Variants in TBC1D7 observed in about 807,000 individuals in gnomAD.
TBC1D7 encodes the protein TBC domain family 7.
Under a neutral mutation model 35.3 loss-of-function variants are expected in TBC1D7, and 33 were observed. The observed-to-expected ratio is 0.93, with a 90% CI of 0.71 to 1.25. TBC1D7 has a LOEUF of 1.25. Among genes scored for constraint, TBC1D7 ranks in the 50% most tolerant of loss-of-function variants. The probability of loss-of-function intolerance (pLI) is 0.00; values close to 1 mark genes in which losing one functional copy is unlikely to be tolerated. For missense variants in TBC1D7, 362 were observed against 365.3 expected (o/e 0.99, Z 0.07); for synonymous variants, 135 against 129.5 (o/e 1.04, Z -0.29).
In TBC1D7 at chr6:13,325,108, C is replaced by T; in HGVS notation, c.179G>A (p.Trp60Ter). The T allele has an allele frequency of 6.2e-7, 1 of 1,612,712 alleles. No individual in the cohort carries two copies. Among genetic ancestry groups the T allele is most frequent in the Non-Finnish European group, 8.5e-7 (1 of 1,179,230 alleles). ...GGGTCTCATACCTAGAAGCACCTTC[C>T]ATACCAATGCACGGTACATGGACGG... The part of the protein sequence containing the change: ...PLPSMYRALV[W>*]KVLLGILPPH... Residue 60 changes from tryptophan to a stop codon, truncating the protein, a stop_gained, in exon 3 of 8, where the codon TGG becomes TAG. Coordinates refer to ENST00000379300, the MANE Select transcript of TBC1D7 (RefSeq NM_016495.6). LOFTEE classifies it high-confidence loss of function.
intron 3 of TBC1D7, among the ~76,000 whole-genome samples, chr6:13,324,296 T>A (rs1195550016): frequency 6.6e-6 from 1 of 152,104 alleles, no homozygotes; most frequent in Non-Finnish European, 1.5e-5. Context: ...CCCAGCTGAT[T>A]TTTTGTATTT....
Position 13,306,524 on chromosome 6 carries a change from A to C in TBC1D7, c.669T>G (p.Val223=). Residue 223 remains valine, a synonymous_variant, in exon 7 of 8, where the codon GTT becomes GTG. Transcript: ENST00000379300. ...AGGATCCACTCACAACTTTATCCCA[A>C]ACCCTACAAAAATAAGGAGATATAA... ...GCLPESSLQR[V]WDKVVSGSCK... 2 of 1,586,890 alleles carry C rather than the reference A, an allele frequency of 1.3e-6. No homozygotes were observed. Among genetic ancestry groups the C allele is most frequent in the Non-Finnish European group, 1.7e-6 (2 of 1,169,958 alleles).
Position 13,305,205 on chromosome 6 carries a change from A to G in TBC1D7, c.796-18T>C. On this transcript the variant is annotated intron_variant, in intron 7 of 7. Coordinates refer to ENST00000379300, the MANE Select transcript of TBC1D7 (RefSeq NM_016495.6). Reference sequence around the variant, plus strand: ...TGGGGAATCTGTGGGCAAGCAAATCAGTCTTTGTGAAATTTCAGTGTTGAC... The same window carrying G: ...TGGGGAATCTGTGGGCAAGCAAATCGGTCTTTGTGAAATTTCAGTGTTGAC... 6.2e-7 allele frequency: 1 copy of G among 1,613,622 alleles called. No homozygotes were observed. The highest frequency in any genetic ancestry group is 2.2e-5 in the East Asian group (1 of 44,878).
At chr6:13,318,570 CGT>C (rs1783803547) in intron 4 of TBC1D7, 1 of 152,098 alleles carries the variant, frequency 6.6e-6, no homozygotes, top group South Asian at 2.1e-4. Context: ...TCTCGATAAA[CGT>C]AAGAAATATA....
intron 5 of TBC1D7, among the ~76,000 whole-genome samples, chr6:13,310,109 G>T (rs531659037): frequency 1.3e-5 from 2 of 152,176 alleles, no homozygotes. Flanking sequence ...GGGGAATTTG[G>T]CAATATTTAG....
rs527765017 is a variant in TBC1D7 at position 13,308,935 on chromosome 6, G to A, written c.520-1190C>T. ...CCAGGAGAAAATCCTAACCTGGGCTGTAGGAGGCAGAAGCAGTTTCTCAGG... is the reference window on the plus strand; with the variant it reads ...CCAGGAGAAAATCCTAACCTGGGCTATAGGAGGCAGAAGCAGTTTCTCAGG... On this transcript the variant is annotated intron_variant, in intron 5 of 7. Coordinates refer to ENST00000379300, the MANE Select transcript of TBC1D7 (RefSeq NM_016495.6). Among the ~76,000 whole-genome samples the A allele has an allele frequency of 3.3e-5, 5 of 152,366 alleles. No individual in the cohort carries two copies. In the South Asian group the frequency reaches 8.3e-4, roughly 25 times the overall value.
At chr6:13,327,696 T>C (rs533945815) in intron 1 of TBC1D7, 1 of 152,326 alleles carries the variant, frequency 6.6e-6, no homozygotes, top group Admixed American at 6.5e-5. Context: ...CTCAAAAAGT[T>C]CAGTGGTCTC....
chr6:13,323,018 A>G (rs1279122374), intron 3 of TBC1D7, among the ~76,000 whole-genome samples: 2 of 152,158 alleles, frequency 1.3e-5, no homozygotes, highest in African/African-American at 2.4e-5. Flanking sequence ...GACAGCTCTA[A>G]ACTTCCAGTG....
intron 7 of TBC1D7, 136 bp downstream of exon 7, chr6:13,306,260 ATT>A (rs1782799408): frequency 3.3e-6 from 2 of 608,138 alleles, no homozygotes; most frequent in African/African-American, 2.0e-5. Flanking sequence ...TATTATAATT[ATT>A]CTCTGAAACA....
chr6:13,310,265 A>G (rs1331604472), intron 5 of TBC1D7, among the ~76,000 whole-genome samples: 1 of 152,268 alleles, frequency 6.6e-6, no homozygotes, highest in African/African-American at 2.4e-5. Flanking sequence ...AAAGGCTGAA[A>G]ACATCCCAAA....
chr6:13,316,445 C>G (rs985704217), intron 5 of TBC1D7, 126 bp downstream of exon 5: 1 of 1,027,990 alleles, frequency 9.7e-7, no homozygotes, highest in Non-Finnish European at 1.4e-6. Context: ...ACAGAAAACG[C>G]TTGCTGAGTT....
At chr6:13,310,347 T>C (rs972498240) in intron 5 of TBC1D7, among the ~76,000 whole-genome samples, 1 of 152,220 alleles carries the variant, frequency 6.6e-6, no homozygotes, top group African/African-American at 2.4e-5. Flanking sequence ...AACCTGAGAA[T>C]ATTTTGTAGG....
At chr6:13,305,296 T>C (rs746381524) in intron 7 of TBC1D7, 109 bp from the exon 8 acceptor site, 64 of 1,047,152 alleles carry the variant, frequency 6.1e-5, no homozygotes, top group Non-Finnish European at 9.0e-5. Context: ...TGCACTGTTT[T>C]TCAGAAAGTG....
chr6:13,318,102 T>TGATAGCCTGTGCCACCTCAGGACCCTGC (rs1783766423), intron 4 of TBC1D7: 1 of 152,332 alleles, frequency 6.6e-6, no homozygotes, highest in Non-Finnish European at 1.5e-5. Context: ...CCTCACCATG[T>TGATAGCCTGTGCCACCTCAGGACCCTGC]GATAGCCTGT....
In TBC1D7 at chr6:13,321,018, C is replaced by A; in HGVS notation, c.271G>T (p.Ala91Ser). The A allele has an allele frequency of 6.2e-7, 1 of 1,614,192 alleles. No homozygotes were observed. The highest frequency in any genetic ancestry group is 8.5e-7 in the Non-Finnish European group (1 of 1,180,028). The change falls in exon 4 of 8, where the codon GCC (alanine) becomes TCC (serine). Residue 91 changes from alanine to serine, a missense_variant. Physicochemically the swap from Ala to Ser is moderately conservative, Grantham distance 99. Transcript: ENST00000379300. ...RKEQYLDVLH[A>S]LKVVRFVSDA... ...CTAACAAAGCGAACGACTTTCAGGG[C>A]ATGAAGGACATCCAAGTACTGCTCC...
At chr6:13,323,387 A>G (rs141349083) in intron 3 of TBC1D7, among the ~76,000 whole-genome samples, 1 of 152,092 alleles carries the variant, frequency 6.6e-6, no homozygotes, top group Non-Finnish European at 1.5e-5. Context: ...AGAATGGTTA[A>G]GAAGAGTAGA....
In TBC1D7 at chr6:13,321,022, A is replaced by G. The variant is rs137993093; in HGVS notation, c.267T>C (p.Leu89=). Residue 89 remains leucine (L), a synonymous_variant, in exon 4 of 8, where the codon CTT becomes CTC. Coordinates refer to ENST00000379300, the MANE Select transcript of TBC1D7 (RefSeq NM_016495.6). ...MYRKEQYLDV[L]HALKVVRFVS... The stretch of plus-strand genomic sequence containing the variant: ...CAAAGCGAACGACTTTCAGGGCATG[A>G]AGGACATCCAAGTACTGCTCCTTAC... The G allele has an allele frequency of 2.1e-4, 336 of 1,614,160 alleles. No homozygotes were observed. The highest frequency in any genetic ancestry group is 1.4e-3 in the African/African-American group (104 of 75,058).
chr6:13,315,754 T>C (rs2127532769), intron 5 of TBC1D7, among the ~76,000 whole-genome samples: 1 of 152,268 alleles, frequency 6.6e-6, no homozygotes, highest in South Asian at 2.1e-4. Flanking sequence ...GTGTACAAAA[T>C]ATGTGTTAAA....
intron 3 of TBC1D7, among the ~76,000 whole-genome samples, chr6:13,322,433 T>C (rs980517085): frequency 2.0e-5 from 3 of 152,160 alleles, no homozygotes; most frequent in Non-Finnish European, 4.4e-5. Flanking sequence ...TCCTATGTCT[T>C]AGCTTCCCCA....
Sources: allele counts gnomAD v4.1 joint callset (sites outside exome capture counted in the v4.1 genomes callset), GRCh38; gene constraint gnomAD v4.1.1; transcripts MANE v1.5; gene names NCBI Gene and HGNC (gene_info 2026-07-23, HGNC 2026-07-21).